The following RPL3 variants were observed in gnomAD, a reference collection of about 807,000 sequenced individuals.
RPL3 encodes the protein ribosomal protein L3, also known as large ribosomal subunit protein uL3.
A neutral mutation model predicts 46.0 loss-of-function variants in RPL3; 3 were observed. That is an observed-to-expected ratio of 0.07 (90% CI 0.03 to 0.17). The LOEUF is 0.17. Among genes scored for constraint, RPL3 ranks in the 10% least tolerant of loss-of-function variants. RPL3 has a pLI of 1.00. For missense variants in RPL3, 387 were observed against 532.7 expected, an observed-to-expected ratio of 0.73 and a Z score of 2.69; for synonymous variants, 224 against 190.8, an observed-to-expected ratio of 1.17 and a Z score of -1.43.
Position 39,315,530 on chromosome 22 carries a change from T to C in RPL3, c.527A>G (p.Lys176Arg), listed in dbSNP as rs1922632735. 1 of 1,614,012 alleles carries C rather than the reference T, an allele frequency of 6.2e-7. No individual in the cohort carries two copies. Among genetic ancestry groups the C allele is most frequent in the South Asian group, 1.1e-5 (1 of 91,094 alleles). Residue 176 changes from lysine (K) to arginine (R), a missense_variant, in exon 5 of 10, where the codon AAG (lysine) becomes AGG (arginine). Coordinates refer to ENST00000216146, the MANE Select transcript of RPL3 (RefSeq NM_000967.4). ...TQMRLLPLRQ[K>R]KAHLMEIQVN... is the part of the protein sequence containing the mutation. Reference sequence around the variant, plus strand: ...CTGGATCTCCATCAGGTGGGCCTTCTTCTGGCGCAGAGGAAGCAGGCGCAT... The same window carrying C: ...CTGGATCTCCATCAGGTGGGCCTTCCTCTGGCGCAGAGGAAGCAGGCGCAT...
intron 7 of RPL3, 152 bp downstream of exon 7, chr22:39,313,955 G>C (rs749844422): frequency 1.2e-6 from 1 of 839,238 alleles, no homozygotes; most frequent in South Asian, 1.3e-5. Flanking sequence ...CCGACGAGTG[G>C]ACTCAGATGA....
chr22:39,317,706 T>C (rs1922793116), intron 2 of RPL3, 77 bp from the exon 3 acceptor site: 10 of 1,562,018 alleles, frequency 6.4e-6, no homozygotes, highest in Non-Finnish European at 7.9e-6. Flanking sequence ...AAATGCAAAG[T>C]GCCCATTTAG....
rs1338999385 is a variant in RPL3 at position 39,313,321 on chromosome 22, A to T, written c.1048-11T>A. On this transcript the variant is annotated splice_polypyrimidine_tract_variant and intron_variant, in intron 8 of 9. Coordinates refer to ENST00000216146, the MANE Select transcript of RPL3 (RefSeq NM_000967.4). Reference sequence around the variant, plus strand: ...CTGCACCAGCAAGGACTATGGGCCAAGAGGGGAAGGGATTTAGGATTACGA... The same window carrying T: ...CTGCACCAGCAAGGACTATGGGCCATGAGGGGAAGGGATTTAGGATTACGA... The T allele has an allele frequency of 6.2e-7, 1 of 1,613,852 alleles. No homozygotes were observed. Among genetic ancestry groups the T allele is most frequent in the East Asian group, 2.2e-5 (1 of 44,898 alleles).
rs1297611622 is a variant in RPL3 at position 39,315,433 on chromosome 22, G to A, written c.624C>T (p.Asn208=). The A allele has an allele frequency of 3.1e-6, 5 of 1,613,952 alleles. No individual in the cohort carries two copies. In the South Asian group the frequency reaches 3.3e-5, roughly 11 times the overall value. ...TCATCTCATCCTGCCCAAACACTTG[G>A]TTCACAGGTACCTGCTGCTCAAGCC... ...RERLEQQVPV[N]QVFGQDEMID... Residue 208 remains asparagine, a synonymous_variant, in exon 5 of 10, where the codon AAC becomes AAT. Coordinates refer to ENST00000216146, the MANE Select transcript of RPL3 (RefSeq NM_000967.4).
Position 39,313,324 on chromosome 22 carries a change from G to C in RPL3, c.1048-14C>G, listed in dbSNP as rs780593825. 9 of 1,613,822 alleles carry C rather than the reference G, an allele frequency of 5.6e-6. No individual in the cohort carries two copies. Among genetic ancestry groups the C allele is most frequent in the Non-Finnish European group, 6.8e-6 (8 of 1,179,936 alleles). ...CACCAGCAAGGACTATGGGCCAAGAGGGGAAGGGATTTAGGATTACGAGGA... is the reference window on the plus strand; with the variant it reads ...CACCAGCAAGGACTATGGGCCAAGACGGGAAGGGATTTAGGATTACGAGGA... On this transcript the variant is annotated splice_polypyrimidine_tract_variant and intron_variant, in intron 8 of 9. Coordinates refer to ENST00000216146, the MANE Select transcript of RPL3 (RefSeq NM_000967.4).
intron 1 of RPL3, chr22:39,319,309 G>T: frequency 1.8e-6 from 1 of 570,754 alleles, no homozygotes; most frequent in African/African-American, 1.9e-5. Context: ...TGGTGAGGTC[G>T]AAACTTAGAA....
At chr22:39,318,794 C>G (rs1048626671) in intron 1 of RPL3, among the ~76,000 whole-genome samples, 2 of 152,174 alleles carry the variant, frequency 1.3e-5, no homozygotes, top group African/African-American at 4.8e-5. Flanking sequence ...TAAGCTGAAT[C>G]TTATTTCAAA....
chr22:39,317,700 G>A, intron 2 of RPL3, 71 bp from the exon 3 acceptor site: 1 of 1,571,076 alleles, frequency 6.4e-7, no homozygotes, highest in Non-Finnish European at 8.7e-7. Flanking sequence ...CTAGGAAAAT[G>A]CAAAGTGCCC....
At chr22:39,316,319 G>T (rs557964137) in intron 4 of RPL3, among the ~76,000 whole-genome samples, 1 of 151,994 alleles carries the variant, frequency 6.6e-6, no homozygotes, top group Non-Finnish European at 1.5e-5. Flanking sequence ...TTTCAACGGT[G>T]GACATGCACT....
chr22:39,318,713 A>C (rs915475585), intron 1 of RPL3, 121 bp from the exon 2 acceptor site: 1 of 826,936 alleles, frequency 1.2e-6, no homozygotes, highest in Non-Finnish European at 1.8e-6. Flanking sequence ...ACACCCAGCA[A>C]GCCGAATAAA....
At chr22:39,319,379 C>A in intron 1 of RPL3, 2 of 654,046 alleles carry the variant, frequency 3.1e-6, no homozygotes, top group Non-Finnish European at 5.4e-6. Flanking sequence ...TACGGCCTCT[C>A]TCTGGCCGAC....
At chr22:39,315,672 TG>T in intron 4 of RPL3, 117 bp from the exon 5 acceptor site, 1 of 1,218,266 alleles carries the variant, frequency 8.2e-7, no homozygotes, top group South Asian at 1.4e-5. Context: ...CCAGTAACTC[TG>T]AACAAGTCAC....
chr22:39,313,613 A>C (rs928066394), intron 8 of RPL3, 21 bp downstream of exon 8: 1 of 1,609,394 alleles, frequency 6.2e-7, no homozygotes, highest in Admixed American at 1.7e-5. Context: ...CCCCCCCATG[A>C]CAAGTCAGGA....
intron 3 of RPL3, 21 bp downstream of exon 3, chr22:39,317,440 C>G (rs1922772802): frequency 6.2e-7 from 1 of 1,608,512 alleles, no homozygotes; most frequent in East Asian, 2.2e-5. Flanking sequence ...AAGCTAGGGA[C>G]TGCATGGCCT....
At chr22:39,316,576 G>T in intron 4 of RPL3, 130 bp downstream of exon 4, 1 of 1,191,882 alleles carries the variant, frequency 8.4e-7, no homozygotes, top group Non-Finnish European at 1.2e-6. Context: ...CTAAGGGCCA[G>T]TAAGGACACA....
In RPL3 at chr22:39,314,100, T is replaced by C; in HGVS notation, c.951+7A>G. The C allele has an allele frequency of 6.2e-7, 1 of 1,611,342 alleles. No individual in the cohort carries two copies. Among genetic ancestry groups the C allele is most frequent in the South Asian group, 1.1e-5 (1 of 90,988 alleles). ...TGGCCTCACAGAGCAGAACACCCAT[T>C]ACTTACCAGAGGGTTGATGCTCTTG... On this transcript the variant is annotated splice_region_variant and intron_variant, in intron 7 of 9. Transcript: ENST00000216146.
At position 39,317,442 on chromosome 22, in the gene RPL3, G is replaced by A; in HGVS notation, c.365+19C>T. ...CTCCCAAGCTCCCAAGCTAGGGACT[G>A]CATGGCCTCCTCCCTTACCAATTCT... On this transcript the variant is annotated intron_variant, in intron 3 of 9. Transcript: ENST00000216146. 6.2e-7 allele frequency: 1 copy of A among 1,609,112 alleles called. No individual in the cohort carries two copies. The highest frequency in any genetic ancestry group is 8.5e-7 in the Non-Finnish European group (1 of 1,176,134).
At chr22:39,313,562 GCCACC>G (rs1329719971) in intron 8 of RPL3, 67 bp downstream of exon 8, 1 of 1,455,456 alleles carries the variant, frequency 6.9e-7, no homozygotes, top group East Asian at 2.3e-5. Context: ...CCACCACAGG[GCCACC>G]AGCGTCTGTG....
In RPL3 at chr22:39,317,333, G is replaced by C. The variant is rs530015062; in HGVS notation, c.365+128C>G. 6 of 1,094,034 alleles carry C rather than the reference G, an allele frequency of 5.5e-6. No individual in the cohort carries two copies. The Admixed American group carries it at 8.0e-5, about 15-fold the overall frequency. The allele number at this position is 1,094,034 out of a possible 1,614,324, so 67.8% of individuals were successfully genotyped here. On this transcript the variant is annotated intron_variant, in intron 3 of 9. Coordinates refer to ENST00000216146, the MANE Select transcript of RPL3 (RefSeq NM_000967.4). The stretch of plus-strand genomic sequence containing the variant: ...TCTGATCCCAGGTATTTTTCTGTTC[G>C]AGAGGCAAACTAAACCCAAGACAGC...
Sources: gnomAD v4.1 joint callset for allele counts (sites outside exome capture counted in the v4.1 genomes callset) on GRCh38, gnomAD v4.1.1 for gene constraint, MANE v1.5 for transcripts, NCBI Gene and HGNC (gene_info 2026-07-23, HGNC 2026-07-21) for gene names.